ZNRF3: variants seen among roughly 807,000 people sequenced by gnomAD.
ZNRF3 encodes the protein E3 ubiquitin-protein ligase ZNRF3.
Under a neutral mutation model 72.5 loss-of-function variants are expected in ZNRF3, and 23 were observed. The ratio of observed to expected loss-of-function variants is 0.32; its 90% confidence interval spans 0.23 to 0.45. The LOEUF (loss-of-function observed/expected upper bound fraction) is 0.45, where lower values mean the gene tolerates loss of function less well. Among genes scored for constraint, ZNRF3 ranks in the 20% least tolerant of loss-of-function variants. The pLI, the probability that ZNRF3 is intolerant of heterozygous loss-of-function variation, is 1.00. For missense variants in ZNRF3, 1,169 were observed against 1,272.1 expected (o/e 0.92, Z 1.23); for synonymous variants, 610 against 545.3 (o/e 1.12, Z -1.65).
At chr22:29,022,110 T>C (rs1218555307) in intron 2 of ZNRF3, among the ~76,000 whole-genome samples, 9 of 152,246 alleles carry the variant, frequency 5.9e-5, no homozygotes, top group Non-Finnish European at 8.8e-5. Flanking sequence ...CAGTATATAC[T>C]GCTTATTCTG....
chr22:29,008,067 T>C (rs779838856), intron 2 of ZNRF3, among the ~76,000 whole-genome samples: 9 of 152,184 alleles, frequency 5.9e-5, no homozygotes, highest in Admixed American at 3.3e-4. Context: ...AGAAATTCTA[T>C]TTCTTTCCTT....
At chr22:29,027,040 T>G (rs948286579) in intron 2 of ZNRF3, 1 of 151,708 alleles carries the variant, frequency 6.6e-6, no homozygotes, top group African/African-American at 2.4e-5. Context: ...GCTTGATGAG[T>G]TAGGTTAAGA....
Position 29,016,023 on chromosome 22 carries a change from A to AAC in ZNRF3, c.427-26471_427-26470insCA, listed in dbSNP as rs1251831389. 4.0e-4 allele frequency among the ~76,000 whole-genome samples: 57 copies of AAC among 143,080 alleles called. 2 individuals carry two copies. The highest frequency in any genetic ancestry group is 3.5e-3 in the Middle Eastern group (1 of 286). The allele number at this position is 143,080 out of a possible 152,430, so 93.9% of individuals were successfully genotyped here. On this transcript the variant is annotated intron_variant, in intron 2 of 8. Coordinates refer to ENST00000544604, the MANE Select transcript of ZNRF3 (RefSeq NM_001206998.2). ...AAGAGTGAAACTGTCTCAAAAAAAA[A>AAC]AAAAAACAAAAAAACTGAAACTGGC...
At chr22:28,890,108 T>C (rs1008714795) in intron 1 of ZNRF3, among the ~76,000 whole-genome samples, 4 of 152,228 alleles carry the variant, frequency 2.6e-5, no homozygotes, top group African/African-American at 2.4e-5. Flanking sequence ...GGGATTATCC[T>C]TCCTTTTTGA....
intron 1 of ZNRF3, among the ~76,000 whole-genome samples, chr22:28,904,828 C>T (rs1226656036): frequency 3.3e-5 from 5 of 152,000 alleles, no homozygotes; most frequent in Non-Finnish European, 7.4e-5. Flanking sequence ...TCTGTTCATC[C>T]CTTGACTTTC....
At chr22:29,020,774 TGG>T (rs750256439) in intron 2 of ZNRF3, among the ~76,000 whole-genome samples, 5,551 of 67,776 alleles carry the variant, frequency 0.082, 168 homozygotes, top group Non-Finnish European at 0.12. Context: ...TGTGTGTGTG[TGG>T]GTGTGTGTGT....
intron 2 of ZNRF3, among the ~76,000 whole-genome samples, chr22:29,008,756 A>G (rs1180218288): frequency 6.6e-6 from 1 of 152,222 alleles, no homozygotes; most frequent in African/African-American, 2.4e-5. Context: ...CTTGTTAACC[A>G]GCTTTAACCA....
intron 1 of ZNRF3, among the ~76,000 whole-genome samples, chr22:28,921,755 G>A (rs1254309033): frequency 6.6e-6 from 1 of 152,166 alleles, no homozygotes; most frequent in Non-Finnish European, 1.5e-5. Flanking sequence ...ATTCCACAGG[G>A]CCTAGGTTGT....
chr22:29,012,099 T>C (rs575039037), intron 2 of ZNRF3, among the ~76,000 whole-genome samples: 105 of 152,372 alleles, frequency 6.9e-4, no homozygotes, highest in Non-Finnish European at 1.3e-3. Context: ...TTGGATCTTA[T>C]GTTGCCCCTG....
At chr22:28,909,177 G>A (rs781223664) in intron 1 of ZNRF3, among the ~76,000 whole-genome samples, 2 of 152,120 alleles carry the variant, frequency 1.3e-5, no homozygotes, top group Admixed American at 6.6e-5. Context: ...GATTACAGGC[G>A]TGAGCCACCG....
intron 1 of ZNRF3, among the ~76,000 whole-genome samples, chr22:28,907,252 C>A (rs949911476): frequency 1.3e-5 from 2 of 151,970 alleles, no homozygotes; most frequent in African/African-American, 4.8e-5. Context: ...CTTGGCCTCC[C>A]AAAGTGCTAG....
At chr22:28,986,193 T>C (rs900758506) in intron 1 of ZNRF3, among the ~76,000 whole-genome samples, 1 of 152,192 alleles carries the variant, frequency 6.6e-6, no homozygotes, top group Non-Finnish European at 1.5e-5. Flanking sequence ...ATAGATATCT[T>C]GGGGGCCATA....
intron 2 of ZNRF3, among the ~76,000 whole-genome samples, chr22:29,003,731 TCGGGAGGCTGGAG>T (rs1201091176): frequency 6.6e-6 from 1 of 151,886 alleles, no homozygotes; most frequent in Non-Finnish European, 1.5e-5. Flanking sequence ...TCCCAGCTAC[TCGGGAGGCTGGAG>T]CGGGAGGCTT....
rs1000974584 is a variant in ZNRF3 at position 29,057,055 on chromosome 22, A to T, written c.*3433A>T. 9 of 152,212 alleles carry T rather than the reference A, an allele frequency of 5.9e-5. No homozygotes were observed. The highest frequency in any genetic ancestry group is 1.4e-4 in the African/African-American group (6 of 41,454). 9.4% of individuals were successfully genotyped at this position (152,212 alleles called of 1,614,324 possible). A position where few individuals can be genotyped will look rare whatever the true frequency, so the allele number is the denominator to read the frequency against. On this transcript the variant is annotated 3_prime_UTR_variant, in exon 9 of 9. Transcript: ENST00000544604. ...TGGTCTAACAAGGCACTATTTTAAA[A>T]TTTTTTAATTTTTCCCATAGCACTT...
chr22:29,002,499 G>A lies in ZNRF3; in HGVS notation c.426+15298G>A, dbSNP rs1486950860. The stretch of plus-strand genomic sequence containing the variant: ...AGCTGTCAGTAAGCTTCCCACCCCT[G>A]CTGCGCTTTCGGTGTGTTTGAAAAG... On this transcript the variant is annotated intron_variant, in intron 2 of 8. Transcript: ENST00000544604. 2.0e-5 allele frequency among the ~76,000 whole-genome samples: 3 copies of A among 152,186 alleles called. 1 individual carries two copies.
intron 1 of ZNRF3, among the ~76,000 whole-genome samples, chr22:28,906,703 C>G (rs1355380244): frequency 6.6e-6 from 1 of 152,208 alleles, no homozygotes; most frequent in Non-Finnish European, 1.5e-5. Context: ...GGTAAACCAC[C>G]TATTAGAAGA....
chr22:29,016,763 T>A (rs2123856675), intron 2 of ZNRF3, among the ~76,000 whole-genome samples: 1 of 152,328 alleles, frequency 6.6e-6, no homozygotes, highest in East Asian at 1.9e-4. Context: ...GTAGGGCTGC[T>A]CTATCTCAGA....
chr22:28,966,634 T>G (rs1238221010), intron 1 of ZNRF3, among the ~76,000 whole-genome samples: 1 of 147,078 alleles, frequency 6.8e-6, no homozygotes, highest in Non-Finnish European at 1.5e-5. Context: ...TTTAAAAAAG[T>G]AAAAAAAAAA....
chr22:28,948,932 A>G (rs981629752), intron 1 of ZNRF3, among the ~76,000 whole-genome samples: 1 of 152,232 alleles, frequency 6.6e-6, no homozygotes. Context: ...TAGCTCTTCC[A>G]AATACTAACA....
Sources: gnomAD v4.1 joint callset for allele counts (sites outside exome capture counted in the v4.1 genomes callset) on GRCh38, gnomAD v4.1.1 for gene constraint, MANE v1.5 for transcripts, NCBI Gene and HGNC (gene_info 2026-07-23, HGNC 2026-07-21) for gene names.